Variants in POLA1 observed in about 807,000 individuals in gnomAD.
POLA1 encodes DNA polymerase alpha catalytic subunit.
Under a neutral mutation model 124.0 loss-of-function variants are expected in POLA1, and 15 were observed. The observed-to-expected ratio is 0.12, with a 90% CI of 0.08 to 0.19. The LOEUF (loss-of-function observed/expected upper bound fraction) is 0.19. Among genes scored for constraint, POLA1 ranks in the 10% least tolerant of loss-of-function variants. POLA1 has a pLI of 1.00. For synonymous variants in POLA1, 408 were observed against 389.4 expected, an observed-to-expected ratio of 1.05 and a Z score of -0.56; for missense variants, 886 against 1,103.4, an observed-to-expected ratio of 0.80 and a Z score of 2.79.
chrX:24,754,580 T>C (rs1371441155), intron 26 of POLA1, among the ~76,000 whole-genome samples: 2 of 111,766 alleles, frequency 1.8e-5, no homozygotes, highest in Admixed American at 9.5e-5. Context: ...CTAGTTTTTC[T>C]TTAAAAAAGT....
intron 35 of POLA1, among the ~76,000 whole-genome samples, chrX:24,912,531 A>G (rs773634291): frequency 1.8e-5 from 2 of 112,027 alleles, no homozygotes; most frequent in South Asian, 7.5e-4. Flanking sequence ...CAAGCAATCC[A>G]ATTTAAAAAA....
intron 12 of POLA1, among the ~76,000 whole-genome samples, chrX:24,725,532 A>C (rs1309290581): frequency 2.7e-5 from 3 of 110,966 alleles, no homozygotes; most frequent in Non-Finnish European, 5.7e-5. Context: ...TTCATCTGAG[A>C]AATAGGGCCC....
At chrX:24,821,733 T>G in intron 31 of POLA1, 150 bp downstream of exon 31, 1 of 402,436 alleles carries the variant, frequency 2.5e-6, no homozygotes, top group Non-Finnish European at 4.2e-6. Flanking sequence ...ATTAGAGGTG[T>G]GGCATATGTC....
At chrX:24,835,501 TA>T (rs1443586464) in intron 32 of POLA1, among the ~76,000 whole-genome samples, 1 of 111,916 alleles carries the variant, frequency 8.9e-6, no homozygotes, top group Non-Finnish European at 1.9e-5. Flanking sequence ...ACACTTTTTT[TA>T]AAAAGCTCCT....
intron 36 of POLA1, among the ~76,000 whole-genome samples, chrX:24,990,866 G>C (rs2048527652): frequency 8.9e-6 from 1 of 112,002 alleles, no homozygotes; most frequent in Non-Finnish European, 1.9e-5. Context: ...AAGAAATAAT[G>C]TGCTTCTGAC....
At chrX:24,992,074 T>C (rs765171813) in intron 36 of POLA1, among the ~76,000 whole-genome samples, 1 of 112,063 alleles carries the variant, frequency 8.9e-6, no homozygotes, top group African/African-American at 3.2e-5. Context: ...GTCTTTGAGT[T>C]TAAAATATGG....
chrX:24,869,221 ACT>A (rs915207936), intron 34 of POLA1, among the ~76,000 whole-genome samples: 2 of 112,403 alleles, frequency 1.8e-5, no homozygotes, highest in African/African-American at 6.5e-5. Flanking sequence ...GGCATGAGCC[ACT>A]CTGCCTGGCC....
At chrX:24,861,838 T>C (rs2046719571) in intron 34 of POLA1, among the ~76,000 whole-genome samples, 1 of 112,428 alleles carries the variant, frequency 8.9e-6, no homozygotes, top group Non-Finnish European at 1.9e-5. Context: ...TTCTAAGCAA[T>C]TCTTTTTCAG....
intron 35 of POLA1, among the ~76,000 whole-genome samples, chrX:24,927,448 T>G (rs2047711574): frequency 9.0e-6 from 1 of 111,451 alleles, no homozygotes; most frequent in Non-Finnish European, 1.9e-5. Context: ...CAAAACAGAG[T>G]TCTTTCCTTA....
chrX:24,940,925 G>T (rs774495688), intron 36 of POLA1, among the ~76,000 whole-genome samples: 5 of 111,916 alleles, frequency 4.5e-5, no homozygotes, highest in Non-Finnish European at 9.4e-5. Flanking sequence ...ATCCAGAATT[G>T]TTTCATGGTC....
chrX:24,925,858 C>T (rs2047682988), intron 35 of POLA1, among the ~76,000 whole-genome samples: 1 of 110,872 alleles, frequency 9.0e-6, no homozygotes, highest in South Asian at 3.9e-4. Flanking sequence ...TGGGTTCAAG[C>T]GTTTCTGCTG....
chrX:24,986,138 C>T (rs1253301977), intron 36 of POLA1, among the ~76,000 whole-genome samples: 1 of 111,487 alleles, frequency 9.0e-6, no homozygotes, highest in Non-Finnish European at 1.9e-5. Flanking sequence ...CGCCATTGCA[C>T]TCCAGCCTGT....
intron 35 of POLA1, among the ~76,000 whole-genome samples, chrX:24,928,029 T>C (rs2047720246): frequency 8.9e-6 from 1 of 112,588 alleles, no homozygotes; most frequent in Non-Finnish European, 1.9e-5. Context: ...CTGTTTCATG[T>C]GTGTTTTTTA....
chrX:24,810,867 CTA>C (rs929354142), intron 28 of POLA1, 67 bp downstream of exon 28: 1 of 547,264 alleles, frequency 1.8e-6, no homozygotes, highest in African/African-American at 2.4e-5. Context: ...ACATGGAACA[CTA>C]TAAATTCATG....
intron 26 of POLA1, among the ~76,000 whole-genome samples, chrX:24,755,495 C>G (rs1363513591): frequency 1.8e-5 from 2 of 110,927 alleles, no homozygotes; most frequent in Non-Finnish European, 3.8e-5. Context: ...TTAACTCTTC[C>G]ATTTTCTTGT....
Position 24,995,942 on chromosome X carries a change from A to G in POLA1, c.4399A>G (p.Lys1467Glu). 1 of 1,209,946 alleles carries G rather than the reference A, an allele frequency of 8.3e-7. No homozygotes were observed. Among genetic ancestry groups the G allele is most frequent in the Non-Finnish European group, 1.1e-6 (1 of 894,692 alleles). Residue 1467 changes from lysine (K) to glutamate (E), a missense_variant, in exon 37 of 37, where the codon AAA (lysine) becomes GAA (glutamate). By Grantham distance (56) the Lys-to-Glu change is moderately conservative (BLOSUM62 1). Transcript: ENST00000379068. ...LSKLFAGCAVKS is the reference protein window; with the variant it reads ...LSKLFAGCAVES ...CAAACTCTTCGCTGGTTGTGCCGTG[A>G]AATCCTAAGGGAATCCCAGGAGTAA...
chrX:24,844,707 A>G (rs770119578), intron 34 of POLA1, among the ~76,000 whole-genome samples: 3 of 112,128 alleles, frequency 2.7e-5, no homozygotes, highest in African/African-American at 9.7e-5. Flanking sequence ...CAGTTTGCCT[A>G]AAGATTATTA....
At chrX:24,746,641 C>A (rs780796981) in intron 24 of POLA1, among the ~76,000 whole-genome samples, 1 of 112,200 alleles carries the variant, frequency 8.9e-6, no homozygotes, top group African/African-American at 3.2e-5. Context: ...GACTCCACAT[C>A]TTTCAGTTTA....
At chrX:24,829,194 T>C (rs1395918820) in intron 32 of POLA1, among the ~76,000 whole-genome samples, 1 of 111,378 alleles carries the variant, frequency 9.0e-6, no homozygotes, top group Non-Finnish European at 1.9e-5. Flanking sequence ...CAGCCATGGC[T>C]GTGTGGACAC....
Sources: allele counts gnomAD v4.1 joint callset (sites outside exome capture counted in the v4.1 genomes callset), GRCh38; gene constraint gnomAD v4.1.1; transcripts MANE v1.5; gene names NCBI Gene and HGNC (gene_info 2026-07-23, HGNC 2026-07-21).